DCX: variants seen among roughly 807,000 people sequenced by gnomAD.
DCX encodes neuronal migration protein doublecortin.
In DCX, 4 loss-of-function variants were observed where a neutral mutation model predicts 20.9. The observed-to-expected ratio is 0.19, with a 90% CI of 0.09 to 0.44. The LOEUF is 0.44. Ranked by LOEUF, DCX falls within the 20% of genes least tolerant of loss-of-function variation. The pLI is 0.99. For synonymous variants in DCX, 103 were observed against 111.4 expected (o/e 0.92, Z 0.47); for missense variants, 133 against 296.9 (o/e 0.45, Z 4.06).
rs1481132836 is a variant in DCX at position 111,293,808 on chromosome X, T to C, written c.*7879A>G. On this transcript the variant is annotated 3_prime_UTR_variant, in exon 7 of 7. Coordinates refer to ENST00000636035, the MANE Select transcript of DCX (RefSeq NM_001195553.2). ...GAAATCAAATTTTATTTTTGGAAAA[T>C]GACATTACACACATCTTGCAAATGT... 1 of 113,095 alleles carries C rather than the reference T, an allele frequency of 8.8e-6. No homozygotes were observed. Among genetic ancestry groups the C allele is most frequent in the Non-Finnish European group, 1.9e-5 (1 of 53,388 alleles). The allele number at this position is 113,095 out of a possible 1,213,427, so 9.3% of individuals were successfully genotyped here. A position where few individuals can be genotyped will look rare whatever the true frequency, so the allele number is the denominator to read the frequency against.
Position 111,332,558 on chromosome X carries a change from G to A in DCX, c.808+493C>T, listed in dbSNP as rs182196174. Among the ~76,000 whole-genome samples the A allele has an allele frequency of 4.3e-3, 481 of 111,798 alleles. 3 individuals carry two copies. Among genetic ancestry groups the A allele is most frequent in the Admixed American group, 0.011 (112 of 10,492 alleles). ...TCCTTCTTATTATTAACAACCCTCT[G>A]TAAACCTGAATCACAAGGCAGACGA... On this transcript the variant is annotated intron_variant, in intron 4 of 6. Transcript: ENST00000636035.
chrX:111,374,840 G>GT (rs1376591613), intron 3 of DCX, among the ~76,000 whole-genome samples: 1 of 108,341 alleles, frequency 9.2e-6, no homozygotes, highest in Non-Finnish European at 1.9e-5. Context: ...CTAGGGAGGA[G>GT]TGGTAACAGT....
chrX:111,334,322 G>C (rs891633655), intron 3 of DCX, among the ~76,000 whole-genome samples: 1 of 111,837 alleles, frequency 8.9e-6, no homozygotes, highest in Admixed American at 9.5e-5. Context: ...AGAAGAGAAG[G>C]TGACTTGAAG....
At chrX:111,303,319 C>T (rs969996284) in intron 6 of DCX, among the ~76,000 whole-genome samples, 1 of 110,035 alleles carries the variant, frequency 9.1e-6, no homozygotes, top group African/African-American at 3.3e-5. Flanking sequence ...AATTCTGTGG[C>T]CACTTAAGAG....
chrX:111,363,325 T>C (rs755337989), intron 3 of DCX, among the ~76,000 whole-genome samples: 2 of 110,127 alleles, frequency 1.8e-5, no homozygotes, highest in East Asian at 5.8e-4. Flanking sequence ...CCCCAGCCAT[T>C]GGGGGAAGGG....
rs192319804 is a variant in DCX, at chrX:111,320,935, A to G, written c.947-8199T>C. Among the ~76,000 whole-genome samples the G allele has an allele frequency of 2.0e-4, 22 of 110,491 alleles. No homozygotes were observed. The East Asian group carries it at 5.1e-3, about 26-fold the overall frequency. On this transcript the variant is annotated intron_variant, in intron 5 of 6. Transcript: ENST00000636035. ...GTAAGTCTCTTTGATTCCAAAGCCT[A>G]TATGGTTTTTTTGTTTTTGCTAACA...
chrX:111,364,179 A>T lies in DCX; in HGVS notation c.706-31026T>A, dbSNP rs1006205157. Reference sequence around the variant, plus strand: ...GGTGGGACTCAGTATCTGCCTAGGGAGGATATACAAGACACTAGGTAGGCT... The same window carrying T: ...GGTGGGACTCAGTATCTGCCTAGGGTGGATATACAAGACACTAGGTAGGCT... On this transcript the variant is annotated intron_variant, in intron 3 of 6. Transcript: ENST00000636035. Among the ~76,000 whole-genome samples, 6 of 111,934 alleles carry T rather than the reference A, an allele frequency of 5.4e-5. No homozygotes were observed. In the Admixed American group the frequency reaches 5.7e-4, roughly 11 times the overall value.
At chrX:111,318,269 G>A (rs1161349881) in intron 5 of DCX, among the ~76,000 whole-genome samples, 1 of 106,324 alleles carries the variant, frequency 9.4e-6, no homozygotes, top group Non-Finnish European at 1.9e-5. Context: ...GCTAGTGGGA[G>A]TGTAAATTAC....
chrX:111,367,927 C>A (rs961166512), intron 3 of DCX, among the ~76,000 whole-genome samples: 1 of 111,495 alleles, frequency 9.0e-6, no homozygotes, highest in Non-Finnish European at 1.9e-5. Context: ...TGACCCACTC[C>A]TTAGAGTCTT....
At chrX:111,320,805 CTTCTTTCTCTCTCT>C (rs1382824210) in intron 5 of DCX, among the ~76,000 whole-genome samples, 2 of 108,886 alleles carry the variant, frequency 1.8e-5, no homozygotes, top group African/African-American at 3.4e-5. Context: ...GTCAGGCACT[CTTCTTTCTCTCTCT>C]TTCTTTCTCT....
At position 111,410,312 on chromosome X, in the gene DCX, G is replaced by A. The variant is rs779726753; in HGVS notation, c.87C>T (p.Pro29=). Residue 29 remains proline, a synonymous_variant, in exon 2 of 7, where the codon CCC becomes CCT. Transcript: ENST00000636035. ...AGAAGCTACAGTGGGCGCTGTGAGTGGGGCTAGGCAACCCATTCATCCGGG... is the reference window on the plus strand; with the variant it reads ...AGAAGCTACAGTGGGCGCTGTGAGTAGGGCTAGGCAACCCATTCATCCGGG... ...RGSRMNGLPS[P]THSAHCSFYR... The A allele has an allele frequency of 3.3e-6, 4 of 1,211,480 alleles. No homozygotes were observed. The highest frequency in any genetic ancestry group is 4.5e-6 in the Non-Finnish European group (4 of 895,470).
intron 6 of DCX, among the ~76,000 whole-genome samples, chrX:111,312,309 C>G (rs1309984002): frequency 8.9e-6 from 1 of 111,902 alleles, no homozygotes; most frequent in Non-Finnish European, 1.9e-5. Context: ...CTGAACACCC[C>G]CTTTGCTATG....
chrX:111,317,323 G>A (rs867792629), intron 5 of DCX, among the ~76,000 whole-genome samples: 1 of 111,171 alleles, frequency 9.0e-6, no homozygotes, highest in Non-Finnish European at 1.9e-5. Flanking sequence ...TAAGCAATAG[G>A]GAAAGGACTC....
At chrX:111,353,259 C>T (rs1314279476) in intron 3 of DCX, among the ~76,000 whole-genome samples, 1 of 111,924 alleles carries the variant, frequency 8.9e-6, no homozygotes, top group African/African-American at 3.2e-5. Flanking sequence ...GCTGTGTGAT[C>T]ATAGACTTAA....
At chrX:111,324,441 A>T (rs1323939596) in intron 5 of DCX, among the ~76,000 whole-genome samples, 1 of 111,931 alleles carries the variant, frequency 8.9e-6, no homozygotes, top group Non-Finnish European at 1.9e-5. Context: ...AGTTATTACC[A>T]TTAACATGGC....
chrX:111,340,629 G>A (rs1212718362), intron 3 of DCX, among the ~76,000 whole-genome samples: 1 of 111,438 alleles, frequency 9.0e-6, no homozygotes, highest in Non-Finnish European at 1.9e-5. Flanking sequence ...ACTGGCATCA[G>A]GTTTGTGCCC....
At position 111,402,309 on chromosome X, in the gene DCX, A is replaced by G. The variant is rs982316371; in HGVS notation, c.365-979T>C. On this transcript the variant is annotated intron_variant, in intron 2 of 6. Transcript: ENST00000636035. ...AAATGCAGGGATCAGAGGCAAGAGG[A>G]GGGGACTGGACACCTGGGACTATGA... is the stretch of plus-strand genomic sequence containing the variant. 4.5e-5 allele frequency among the ~76,000 whole-genome samples: 5 copies of G among 111,927 alleles called. No homozygotes were observed. In the South Asian group the frequency reaches 1.9e-3, roughly 42 times the overall value.
In DCX at chrX:111,390,291, C is replaced by A. The variant is rs780971115; in HGVS notation, c.705+10699G>T. ...GGAACCAGACTCATTCCCAGAGCCT[C>A]CAGATAAAAGCCTATCTTATCTGAC... On this transcript the variant is annotated intron_variant, in intron 3 of 6. Coordinates refer to ENST00000636035, the MANE Select transcript of DCX (RefSeq NM_001195553.2). Among the ~76,000 whole-genome samples the A allele has an allele frequency of 2.6e-4, 29 of 111,928 alleles. No homozygotes were observed. In the East Asian group the frequency reaches 7.9e-3, roughly 31 times the overall value.
intron 5 of DCX, 22 bp downstream of exon 5, chrX:111,330,882 C>T (rs761270728): frequency 8.3e-7 from 1 of 1,210,694 alleles, no homozygotes; most frequent in Non-Finnish European, 1.1e-6. Flanking sequence ...TCAGCGTGCA[C>T]AGTTAGGAAA....
Sources: allele counts gnomAD v4.1 joint callset (sites outside exome capture counted in the v4.1 genomes callset), GRCh38; gene constraint gnomAD v4.1.1; transcripts MANE v1.5; gene names NCBI Gene and HGNC (gene_info 2026-07-23, HGNC 2026-07-21).